Variants in GLP1R observed in about 807,000 individuals in gnomAD.
The protein encoded by GLP1R is glucagon like peptide 1 receptor.
In GLP1R, 32 loss-of-function variants were observed where a neutral mutation model predicts 68.4. That is an observed-to-expected ratio of 0.47 (90% CI 0.35 to 0.63). GLP1R has a LOEUF of 0.63. Ranked by LOEUF, GLP1R falls within the 20% of genes least tolerant of loss-of-function variation. GLP1R has a pLI of 0.00. For missense variants in GLP1R, 502 were observed against 594.9 expected (o/e 0.84, Z 1.62); for synonymous variants, 263 against 244.4 (o/e 1.08, Z -0.71).
intron 1 of GLP1R, 81 bp downstream of exon 1, chr6:39,048,999 C>A: frequency 1.7e-6 from 1 of 576,536 alleles, no homozygotes; most frequent in Non-Finnish European, 2.8e-6. Flanking sequence ...GTGGAGGGCC[C>A]CGGGACTTGA....
intron 1 of GLP1R, among the ~76,000 whole-genome samples, chr6:39,050,027 G>A (rs1003847740): frequency 2.6e-5 from 4 of 152,116 alleles, no homozygotes; most frequent in African/African-American, 2.4e-5. Context: ...ACTCCACCTC[G>A]GCGGAAACCC....
In GLP1R at chr6:39,049,379, T is replaced by C. The variant is rs938514712; in HGVS notation, c.78+461T>C. On this transcript the variant is annotated intron_variant, in intron 1 of 12. Coordinates refer to ENST00000373256, the MANE Select transcript of GLP1R (RefSeq NM_002062.5). The surrounding 1 kb of genome is among the most constrained non-coding windows in gnomAD (Gnocchi z 4.5). ...AGACAATCCACCTGCTCAAAGACCC[T>C]GAGAAGACCCTGGGAGGAGCTGAGA... 6.6e-6 allele frequency among the ~76,000 whole-genome samples: 1 copy of C among 152,074 alleles called. No individual in the cohort carries two copies. The highest frequency in any genetic ancestry group is 1.5e-5 in the Non-Finnish European group (1 of 67,990).
At chr6:39,066,455 G>T in intron 5 of GLP1R, 152 bp downstream of exon 5, 1 of 582,544 alleles carries the variant, frequency 1.7e-6, no homozygotes, top group South Asian at 2.2e-5. Context: ...TAGAATATGA[G>T]GTTGAAAACA....
intron 5 of GLP1R, among the ~76,000 whole-genome samples, chr6:39,068,722 C>T (rs1290966994): frequency 1.3e-5 from 2 of 152,204 alleles, no homozygotes; most frequent in African/African-American, 2.4e-5. Context: ...GAGCACTGCA[C>T]CCAAGTGTAG....
intron 5 of GLP1R, among the ~76,000 whole-genome samples, chr6:39,071,056 T>C (rs1299519873): frequency 6.6e-6 from 1 of 152,144 alleles, no homozygotes; most frequent in Non-Finnish European, 1.5e-5. Flanking sequence ...TATTAAGAAA[T>C]CTTTCCTTGG....
rs918051457 is a variant in GLP1R at position 39,086,523 on chromosome 6, A to C, written c.*450A>C. ...TAACCTCAGCCAAACACAGAGCGGG[A>C]GTGACGGGAGCCTCCTCTGCTTGCA... On this transcript the variant is annotated 3_prime_UTR_variant, in exon 13 of 13. Transcript: ENST00000373256. The surrounding 1 kb of genome is among the most constrained non-coding windows in gnomAD (Gnocchi z 4.5). 6.4e-6 allele frequency: 1 copy of C among 155,080 alleles called. No individual in the cohort carries two copies. Among genetic ancestry groups the C allele is most frequent in the Non-Finnish European group, 1.4e-5 (1 of 69,762 alleles). The allele number at this position is 155,080 out of a possible 1,614,324, so 9.6% of individuals were successfully genotyped here. A position where few individuals can be genotyped will look rare whatever the true frequency, so the allele number is the denominator to read the frequency against.
Position 39,090,450 on chromosome 6 carries a change from C to T in GLP1R, c.*4377C>T, listed in dbSNP as rs991547111. 6.6e-6 allele frequency among the ~76,000 whole-genome samples: 1 copy of T among 152,134 alleles called. No individual in the cohort carries two copies. Among genetic ancestry groups the T allele is most frequent in the African/African-American group, 2.4e-5 (1 of 41,414 alleles). The stretch of plus-strand genomic sequence containing the variant: ...CCGATGCATCCAACTTCCCTCCCTG[C>T]ACTCCTCCTCCCCGACAGCTGCCTC... On this transcript the variant is annotated 3_prime_UTR_variant, in exon 13 of 13. Coordinates refer to ENST00000373256, the MANE Select transcript of GLP1R (RefSeq NM_002062.5).
rs1769266847 is a variant in GLP1R at position 39,091,034 on chromosome 6, T to C, written c.*4961T>C. ...TCTGGAGGGATTTGATGCAAACCTT[T>C]AAATGCACCAACAGAGAGGTAAGCC... On this transcript the variant is annotated 3_prime_UTR_variant, in exon 13 of 13. Coordinates refer to ENST00000373256, the MANE Select transcript of GLP1R (RefSeq NM_002062.5). Among the ~76,000 whole-genome samples the C allele has an allele frequency of 9.2e-5, 14 of 152,284 alleles. No individual in the cohort carries two copies. The South Asian group carries it at 2.7e-3, about 29-fold the overall frequency.
intron 1 of GLP1R, among the ~76,000 whole-genome samples, chr6:39,052,777 G>A (rs914946988): frequency 6.6e-6 from 1 of 152,202 alleles, no homozygotes; most frequent in Admixed American, 6.5e-5. Flanking sequence ...TGAGAAGAAT[G>A]ATATGCCCAT....
chr6:39,074,561 G>A (rs1768764200), intron 7 of GLP1R, among the ~76,000 whole-genome samples: 1 of 152,006 alleles, frequency 6.6e-6, no homozygotes, highest in African/African-American at 2.4e-5. Context: ...GAATCCATGA[G>A]TTTTCCTGTT....
rs202171972 is a variant in GLP1R at position 39,079,189 on chromosome 6, C to A, written c.1032C>A (p.Asp344Glu). ...AGGCCAATCTCATGTGCAAGACAGA[C>A]ATCAAATGCAGGTGATGTAACTGAG... ...KLKANLMCKTDIKCRLAKSTL... is the reference protein window; with the variant it reads ...KLKANLMCKTEIKCRLAKSTL... The change falls in exon 10 of 13, where the codon GAC becomes GAA. Residue 344 changes from aspartate (D) to glutamate (E), a missense_variant. By Grantham distance (45) the Asp-to-Glu change is conservative. Coordinates refer to ENST00000373256, the MANE Select transcript of GLP1R (RefSeq NM_002062.5). The surrounding 1 kb of genome is among the most constrained non-coding windows in gnomAD (Gnocchi z 4.5). 1.4e-4 allele frequency: 220 copies of A among 1,610,822 alleles called. 6 individuals carry two copies. In the South Asian group the frequency reaches 2.3e-3, roughly 17 times the overall value.
chr6:39,061,572 GC>G (rs1488771891), intron 3 of GLP1R, among the ~76,000 whole-genome samples: 1 of 152,276 alleles, frequency 6.6e-6, no homozygotes, highest in East Asian at 1.9e-4. Flanking sequence ...TGAGGCCCAA[GC>G]TTGTCCCCAG....
intron 3 of GLP1R, among the ~76,000 whole-genome samples, chr6:39,059,930 T>G (rs1039964514): frequency 6.6e-6 from 1 of 152,124 alleles, no homozygotes; most frequent in African/African-American, 2.4e-5. Context: ...CATGGTTTTA[T>G]TGCTTTCTCC....
intron 3 of GLP1R, among the ~76,000 whole-genome samples, chr6:39,062,662 G>T (rs916361332): frequency 2.0e-5 from 3 of 152,220 alleles, no homozygotes; most frequent in African/African-American, 7.2e-5. Context: ...CCAGAGGAAG[G>T]GCAGAGGAGA....
rs1444331072 is a variant in GLP1R, at chr6:39,073,744, C to T, written c.798C>T (p.Phe266=). The T allele has an allele frequency of 6.2e-7, 1 of 1,614,020 alleles. No individual in the cohort carries two copies. The highest frequency in any genetic ancestry group is 1.7e-5 in the Admixed American group (1 of 60,014). The change falls in exon 7 of 13, where the codon TTC becomes TTT. Residue 266 remains phenylalanine, a synonymous_variant. Transcript: ENST00000373256. ...CGGTCTTATCTGAGCAATGGATCTTCAGGCTCTACGTGAGCATAGGCTGGG... is the reference window on the plus strand; with the variant it reads ...CGGTCTTATCTGAGCAATGGATCTTTAGGCTCTACGTGAGCATAGGCTGGG... ...AFSVLSEQWI[F]RLYVSIGWGV...
chr6:39,057,486 C>T lies in GLP1R; in HGVS notation c.190C>T (p.Arg64Trp), dbSNP rs200765138. Residue 64 changes from arginine (R) to tryptophan (W), a missense_variant, in exon 3 of 13, where the codon CGG (arginine) becomes TGG (tryptophan). Transcript: ENST00000373256. ...TCTGCTCCCAGACTTGTTCTGCAACCGGACCTTCGATGAATACGCCTGCTG... is the reference window on the plus strand; with the variant it reads ...TCTGCTCCCAGACTTGTTCTGCAACTGGACCTTCGATGAATACGCCTGCTG... The part of the protein sequence containing the change: ...PPPATDLFCN[R>W]TFDEYACWPD... The T allele has an allele frequency of 1.3e-5, 21 of 1,611,900 alleles. No homozygotes were observed. The highest frequency in any genetic ancestry group is 1.6e-5 in the Non-Finnish European group (19 of 1,178,026).
intron 3 of GLP1R, among the ~76,000 whole-genome samples, chr6:39,059,226 A>G (rs1768293327): frequency 6.6e-6 from 1 of 152,070 alleles, no homozygotes; most frequent in Admixed American, 6.6e-5. Flanking sequence ...CATCCTCACA[A>G]CCCTCTGAGG....
At chr6:39,083,541 C>T (rs1270686919) in intron 12 of GLP1R, among the ~76,000 whole-genome samples, 1 of 152,186 alleles carries the variant, frequency 6.6e-6, no homozygotes, top group Non-Finnish European at 1.5e-5. Flanking sequence ...TTTGCTGTAG[C>T]TTGTGCCTGA....
At chr6:39,057,011 G>C (rs1294372147) in intron 2 of GLP1R, among the ~76,000 whole-genome samples, 1 of 152,216 alleles carries the variant, frequency 6.6e-6, no homozygotes, top group African/African-American at 2.4e-5. Flanking sequence ...ATTGGAGCCC[G>C]CTGGGCCTAG....
Sources: allele counts gnomAD v4.1 joint callset (sites outside exome capture counted in the v4.1 genomes callset), GRCh38; gene constraint gnomAD v4.1.1; non-coding constraint Gnocchi (gnomAD v3.1); transcripts MANE v1.5; gene names NCBI Gene and HGNC (gene_info 2026-07-23, HGNC 2026-07-21).